The following ERC2 variants were observed in gnomAD, a reference collection of about 807,000 sequenced individuals.
ERC2 encodes ELKS/RAB6-interacting/CAST family member 2.
Under a neutral mutation model 114.8 loss-of-function variants are expected in ERC2, and 42 were observed. The observed-to-expected ratio is 0.37, with a 90% confidence interval of 0.29 to 0.47. The LOEUF (loss-of-function observed/expected upper bound fraction) is 0.47. Ranked by LOEUF, ERC2 falls within the 20% of genes least tolerant of loss-of-function variation. The pLI, the probability that ERC2 is intolerant of heterozygous loss-of-function variation, is 0.99. For missense variants in ERC2, 939 were observed against 1,150.7 expected, an observed-to-expected ratio of 0.82 and a Z score of 2.66; for synonymous variants, 454 against 425.5, an observed-to-expected ratio of 1.07 and a Z score of -0.82.
At chr3:56,194,832 TA>T (rs1560347802) in intron 3 of ERC2, among the ~76,000 whole-genome samples, 1 of 152,110 alleles carries the variant, frequency 6.6e-6, no homozygotes, top group Non-Finnish European at 1.5e-5. Context: ...ACGTGAAATT[TA>T]CCTCTAATCC....
intron 2 of ERC2, among the ~76,000 whole-genome samples, chr3:56,384,843 T>C (rs1408039362): frequency 6.6e-6 from 1 of 152,192 alleles, no homozygotes; most frequent in Non-Finnish European, 1.5e-5. Flanking sequence ...CTTTGATCTA[T>C]TTTAATTTTC....
At chr3:55,950,376 G>A in intron 13 of ERC2, 49 bp downstream of exon 13, 1 of 1,602,490 alleles carries the variant, frequency 6.2e-7, no homozygotes, top group Non-Finnish European at 8.5e-7. Flanking sequence ...ATTTCTGAGA[G>A]AGTCCATCTC....
chr3:56,353,388 C>A (rs188010944), intron 2 of ERC2, among the ~76,000 whole-genome samples: 3 of 151,762 alleles, frequency 2.0e-5, no homozygotes, highest in Admixed American at 6.6e-5. Flanking sequence ...CTAAATATCC[C>A]CCAAAAGGAA....
At chr3:56,218,171 G>T (rs1575893061) in intron 3 of ERC2, among the ~76,000 whole-genome samples, 1 of 152,000 alleles carries the variant, frequency 6.6e-6, no homozygotes, top group South Asian at 2.1e-4. Context: ...CTTCTGCACA[G>T]CAAAAGAAAC....
At chr3:55,620,415 T>A (rs1199159531) in intron 17 of ERC2, among the ~76,000 whole-genome samples, 1 of 152,204 alleles carries the variant, frequency 6.6e-6, no homozygotes, top group African/African-American at 2.4e-5. Context: ...GCTTCCTCAA[T>A]TACCACAGAA....
At chr3:56,173,818 C>T (rs1028968419) in intron 3 of ERC2, 41 of 292,510 alleles carry the variant, frequency 1.4e-4, no homozygotes, top group African/African-American at 8.6e-4. Context: ...GGCTGATGCC[C>T]AGCCATCAAA....
intron 3 of ERC2, among the ~76,000 whole-genome samples, chr3:56,223,386 T>A (rs760854133): frequency 1.6e-4 from 25 of 151,954 alleles, no homozygotes; most frequent in Non-Finnish European, 2.9e-4. Flanking sequence ...TGGAAAAATA[T>A]TTTCCCCAAA....
intron 3 of ERC2, among the ~76,000 whole-genome samples, chr3:56,291,451 A>C (rs1350774895): frequency 1.3e-5 from 2 of 152,146 alleles, no homozygotes; most frequent in African/African-American, 4.8e-5. Flanking sequence ...CCTTTTCCAG[A>C]CCACCAAAAG....
chr3:56,390,015 T>TTTA (rs1357850524), intron 2 of ERC2, among the ~76,000 whole-genome samples: 1 of 152,198 alleles, frequency 6.6e-6, no homozygotes, highest in African/African-American at 2.4e-5. Context: ...AATCATTTAG[T>TTTA]TAATAATTCC....
intron 17 of ERC2, among the ~76,000 whole-genome samples, chr3:55,548,451 G>A (rs1575545999): frequency 6.6e-6 from 1 of 152,232 alleles, no homozygotes; most frequent in East Asian, 1.9e-4. Context: ...CCCTCTAAAT[G>A]TGTCTACACA....
intron 1 of ERC2, among the ~76,000 whole-genome samples, chr3:56,450,409 T>C (rs1309534802): frequency 6.6e-6 from 1 of 152,236 alleles, no homozygotes; most frequent in Non-Finnish European, 1.5e-5. Flanking sequence ...ACCATTTCCA[T>C]TATTTAAATT....
intron 8 of ERC2, among the ~76,000 whole-genome samples, chr3:56,016,468 T>C (rs111752011): frequency 1.4e-3 from 207 of 150,270 alleles, no homozygotes; most frequent in African/African-American, 4.9e-3. Flanking sequence ...ACTCCAAAAA[T>C]ATGCTTACCC....
chr3:55,809,989 T>C (rs1322523940), intron 14 of ERC2, among the ~76,000 whole-genome samples: 1 of 152,188 alleles, frequency 6.6e-6, no homozygotes, highest in Non-Finnish European at 1.5e-5. Context: ...TACTTCACAT[T>C]AAATAATCCA....
At chr3:56,163,830 T>C (rs1264095201) in intron 4 of ERC2, among the ~76,000 whole-genome samples, 5 of 152,156 alleles carry the variant, frequency 3.3e-5, no homozygotes, top group African/African-American at 1.2e-4. Context: ...CTTTTCACTC[T>C]GTGCCTTTTA....
chr3:56,434,420 C>T lies in ERC2; in HGVS notation c.588G>A (p.Leu196=), dbSNP rs2061928757. The T allele has an allele frequency of 1.9e-6, 3 of 1,613,986 alleles. No individual in the cohort carries two copies. Among genetic ancestry groups the T allele is most frequent in the Admixed American group, 1.7e-5 (1 of 60,028 alleles). Residue 196 remains leucine, a synonymous_variant, in exon 2 of 18, where the codon TTG becomes TTA. Coordinates refer to ENST00000288221, the MANE Select transcript of ERC2 (RefSeq NM_015576.3). Reference sequence around the variant, plus strand: ...ACATCCGCGCTGCCTCTTCTTTCCTCAAGACTCTCTCCTTCTTAAGCTCAG... The same window carrying T: ...ACATCCGCGCTGCCTCTTCTTTCCTTAAGACTCTCTCCTTCTTAAGCTCAG... ...WSPELKKERV[L]RKEEAARMSV... is the part of the protein sequence containing the mutation.
At chr3:55,945,287 TC>T (rs1454973345) in intron 13 of ERC2, among the ~76,000 whole-genome samples, 1 of 152,198 alleles carries the variant, frequency 6.6e-6, no homozygotes, top group Non-Finnish European at 1.5e-5. Context: ...CAATGATGAA[TC>T]TCTTAACTCT....
intron 1 of ERC2, among the ~76,000 whole-genome samples, chr3:56,436,538 G>T (rs544368146): frequency 5.3e-5 from 8 of 152,122 alleles, no homozygotes; most frequent in South Asian, 2.1e-4. Flanking sequence ...TAGAGAAATT[G>T]TTCCCAACCC....
intron 17 of ERC2, among the ~76,000 whole-genome samples, chr3:55,601,931 T>C (rs1420955081): frequency 6.6e-6 from 1 of 152,196 alleles, no homozygotes; most frequent in East Asian, 1.9e-4. Context: ...TCCTTTTTAA[T>C]AACCAGCATC....
At chr3:55,857,098 G>A (rs999185418) in intron 14 of ERC2, among the ~76,000 whole-genome samples, 15 of 152,046 alleles carry the variant, frequency 9.9e-5, no homozygotes, top group African/African-American at 3.6e-4. Flanking sequence ...GTGGTGATGG[G>A]TTGTACTGCA....
Sources: gnomAD v4.1 joint callset for allele counts (sites outside exome capture counted in the v4.1 genomes callset) on GRCh38, gnomAD v4.1.1 for gene constraint, MANE v1.5 for transcripts, NCBI Gene and HGNC (gene_info 2026-07-23, HGNC 2026-07-21) for gene names.